The following WDR35 variants were observed in gnomAD, a reference collection of about 807,000 sequenced individuals.
The protein encoded by WDR35 is WD repeat-containing protein 35.
Under a neutral mutation model 158.3 loss-of-function variants are expected in WDR35, and 118 were observed. That is an observed-to-expected ratio of 0.75 (90% CI 0.64 to 0.87). WDR35 has a LOEUF of 0.87. Among genes scored for constraint, WDR35 ranks in the 40% least tolerant of loss-of-function variants. The pLI, the probability that WDR35 is intolerant of heterozygous loss-of-function variation, is 0.00. For missense variants in WDR35, 1,263 were observed against 1,405.8 expected, an observed-to-expected ratio of 0.90 and a Z score of 1.62; for synonymous variants, 448 against 476.1, an observed-to-expected ratio of 0.94 and a Z score of 0.77.
chr2:19,988,345 C>T (rs1437810300), intron 2 of WDR35, among the ~76,000 whole-genome samples: 1 of 152,204 alleles, frequency 6.6e-6, no homozygotes, highest in Non-Finnish European at 1.5e-5. Context: ...AGCAACTCAG[C>T]TTCACTAGAA....
At chr2:19,935,751 T>C (rs1670673561) in intron 20 of WDR35, 148 bp from the exon 21 acceptor site, 1 of 948,308 alleles carries the variant, frequency 1.1e-6, no homozygotes, top group Non-Finnish European at 1.5e-6. Context: ...TTCAAACATA[T>C]AAATGGGGAA....
At chr2:19,985,800 G>A (rs1472131150) in intron 2 of WDR35, among the ~76,000 whole-genome samples, 1 of 151,164 alleles carries the variant, frequency 6.6e-6, no homozygotes, top group African/African-American at 2.4e-5. Flanking sequence ...AGGAGGCTGA[G>A]GCAGGAGAAT....
chr2:19,979,206 T>G (rs539614647), intron 4 of WDR35, among the ~76,000 whole-genome samples: 209 of 152,312 alleles, frequency 1.4e-3, no homozygotes, highest in African/African-American at 4.6e-3. Context: ...CTAAAACTAC[T>G]GATTTTTCTG....
intron 13 of WDR35, among the ~76,000 whole-genome samples, chr2:19,950,120 T>C (rs1041770974): frequency 2.0e-5 from 3 of 152,150 alleles, no homozygotes; most frequent in African/African-American, 7.2e-5. Flanking sequence ...CACAGGTTTT[T>C]TTAAAAAAGG....
At position 19,930,359 on chromosome 2, in the gene WDR35, T is replaced by G. The variant is rs1479454452; in HGVS notation, c.3121+37A>C. 1.9e-6 allele frequency: 3 copies of G among 1,613,846 alleles called. No homozygotes were observed. The African/African-American group carries it at 4.0e-5, about 22-fold the overall frequency. On this transcript the variant is annotated intron_variant, in intron 25 of 26. Transcript: ENST00000281405. ...TAGCCCTTCATACTCAATTTATAATTTTCAGACATACTATACACATTAGGT... is the reference window on the plus strand; with the variant it reads ...TAGCCCTTCATACTCAATTTATAATGTTCAGACATACTATACACATTAGGT...
At chr2:19,978,195 G>GACACACAC (rs3039208) in intron 5 of WDR35, among the ~76,000 whole-genome samples, 1 of 146,704 alleles carries the variant, frequency 6.8e-6, no homozygotes, top group Non-Finnish European at 1.5e-5. Flanking sequence ...CACACACACA[G>GACACACAC]ACACACACAC....
rs149605116 is a variant in WDR35 at position 19,953,059 on chromosome 2, T to C, written c.1400+775A>G. On this transcript the variant is annotated intron_variant, in intron 12 of 26. Coordinates refer to ENST00000281405, the MANE Select transcript of WDR35 (RefSeq NM_020779.4). The stretch of plus-strand genomic sequence containing the variant: ...AAACACCTAGCATTTCTGTCATGAC[T>C]GTACCACTCACTTCCACCAACACAG... Among the ~76,000 whole-genome samples, 5 of 152,306 alleles carry C rather than the reference T, an allele frequency of 3.3e-5. No homozygotes were observed. In the East Asian group the frequency reaches 7.7e-4, roughly 24 times the overall value.
intron 4 of WDR35, among the ~76,000 whole-genome samples, chr2:19,979,772 T>TACACACACACACACACACACAC (rs67421990): frequency 6.2e-5 from 9 of 146,188 alleles, no homozygotes; most frequent in East Asian, 4.1e-4. Flanking sequence ...TTCTATCCCC[T>TACACACACACACACACACACAC]ACACACACAC....
At chr2:19,988,097 G>C (rs1672629052) in intron 2 of WDR35, among the ~76,000 whole-genome samples, 2 of 152,070 alleles carry the variant, frequency 1.3e-5, no homozygotes, top group African/African-American at 2.4e-5. Context: ...TTGAATGTGA[G>C]ACAAACTTAG....
intron 11 of WDR35, among the ~76,000 whole-genome samples, chr2:19,956,809 C>T (rs1441820710): frequency 4.0e-5 from 6 of 151,752 alleles, no homozygotes; most frequent in Admixed American, 3.9e-4. Context: ...TTAGTAGAGA[C>T]GGGGTTTCAC....
chr2:19,929,666 T>C lies in WDR35; in HGVS notation c.3121+730A>G, dbSNP rs534873805. On this transcript the variant is annotated intron_variant, in intron 25 of 26. Coordinates refer to ENST00000281405, the MANE Select transcript of WDR35 (RefSeq NM_020779.4). ...TATACAAATACCATGGAATATTAGG[T>C]AGAATGTTTATATAGATCTCTGTTT... 7.9e-5 allele frequency among the ~76,000 whole-genome samples: 12 copies of C among 152,280 alleles called. No individual in the cohort carries two copies. In the South Asian group the frequency reaches 2.3e-3, roughly 29 times the overall value.
At chr2:19,975,480 G>A (rs574341871) in intron 6 of WDR35, 50 bp downstream of exon 6, 23 of 1,566,486 alleles carry the variant, frequency 1.5e-5, no homozygotes, top group Admixed American at 1.8e-5. Flanking sequence ...TGATATGTAC[G>A]ATAATCATAT....
chr2:19,964,589 G>A (rs1312767922), intron 10 of WDR35, among the ~76,000 whole-genome samples: 1 of 151,560 alleles, frequency 6.6e-6, no homozygotes, highest in East Asian at 1.9e-4. Context: ...TCACCGTGTT[G>A]CCCAGGCCGG....
At chr2:19,925,757 T>C (rs1670337780) in intron 25 of WDR35, among the ~76,000 whole-genome samples, 1 of 152,210 alleles carries the variant, frequency 6.6e-6, no homozygotes, top group South Asian at 2.1e-4. Context: ...AACAATTATA[T>C]AGCCCTCAAA....
chr2:19,935,667 T>C, intron 20 of WDR35, 64 bp from the exon 21 acceptor site: 1 of 1,568,786 alleles, frequency 6.4e-7, no homozygotes, highest in African/African-American at 1.3e-5. Flanking sequence ...ATAAGCACTT[T>C]CAACCAAAAT....
intron 9 of WDR35, among the ~76,000 whole-genome samples, chr2:19,969,256 A>G (rs1483398569): frequency 6.6e-6 from 1 of 152,118 alleles, no homozygotes; most frequent in African/African-American, 2.4e-5. Flanking sequence ...TCTCTCTTCA[A>G]TTACTCCTTT....
At chr2:19,921,119 T>C (rs1349039959) in intron 25 of WDR35, among the ~76,000 whole-genome samples, 1 of 152,194 alleles carries the variant, frequency 6.6e-6, no homozygotes, top group Non-Finnish European at 1.5e-5. Flanking sequence ...TGCTCATGGA[T>C]AGGAAGAACC....
chr2:19,969,823 C>A (rs560083498), intron 8 of WDR35, among the ~76,000 whole-genome samples: 1 of 151,434 alleles, frequency 6.6e-6, no homozygotes, highest in South Asian at 2.1e-4. Context: ...TCTCGGCTCA[C>A]TGCAAGCTCC....
At chr2:19,914,927 G>C (rs949976325) in intron 25 of WDR35, among the ~76,000 whole-genome samples, 2 of 151,774 alleles carry the variant, frequency 1.3e-5, no homozygotes, top group African/African-American at 2.4e-5. Flanking sequence ...CTGTATTCTT[G>C]GGCCTGTTGG....
Sources: allele counts gnomAD v4.1 joint callset (sites outside exome capture counted in the v4.1 genomes callset), GRCh38; gene constraint gnomAD v4.1.1; transcripts MANE v1.5; gene names NCBI Gene and HGNC (gene_info 2026-07-23, HGNC 2026-07-21).